Variants in MTUS2 observed in about 807,000 individuals in gnomAD.
MTUS2 encodes microtubule associated scaffold protein 2.
Under a neutral mutation model 114.1 loss-of-function variants are expected in MTUS2, and 40 were observed. The ratio of observed to expected loss-of-function variants is 0.35; its 90% CI spans 0.27 to 0.46. The LOEUF (loss-of-function observed/expected upper bound fraction) is 0.46, where lower values mean the gene tolerates loss of function less well. MTUS2 is among the 20% of genes least tolerant of loss of function. MTUS2 has a pLI of 1.00. For synonymous variants in MTUS2, 688 were observed against 672.0 expected (o/e 1.02, Z -0.37); for missense variants, 1,679 against 1,705.4 (o/e 0.98, Z 0.27).
At chr13:29,316,547 T>C (rs1041835214) in intron 6 of MTUS2, among the ~76,000 whole-genome samples, 2 of 152,180 alleles carry the variant, frequency 1.3e-5, no homozygotes, top group Admixed American at 1.3e-4. Flanking sequence ...CTTGCTTCTT[T>C]CCTTCAAATG....
At chr13:28,941,471 A>T (rs1284259881) in intron 2 of MTUS2, among the ~76,000 whole-genome samples, 1 of 152,126 alleles carries the variant, frequency 6.6e-6, no homozygotes, top group East Asian at 1.9e-4. Context: ...ACAAAAACTT[A>T]AAAATATCTT....
At chr13:29,240,222 G>C (rs983063128) in intron 5 of MTUS2, 18 of 152,090 alleles carry the variant, frequency 1.2e-4, no homozygotes, top group African/African-American at 4.3e-4. Context: ...GTCTCATCAG[G>C]ACATAATTTA....
Position 29,300,326 on chromosome 13 carries a change from AT to A in MTUS2, c.2806+18462del, listed in dbSNP as rs1245381240. On this transcript the variant is annotated intron_variant, in intron 6 of 15. Transcript: ENST00000612955. ...AAAACCCTAATTTTCATTTAAGAGCATATACACATATTGTATTTAAAATGTT... is the reference window on the plus strand; with the variant it reads ...AAAACCCTAATTTTCATTTAAGAGCAATACACATATTGTATTTAAAATGTT... Among the ~76,000 whole-genome samples the A allele has an allele frequency of 3.3e-5, 5 of 152,198 alleles. No individual in the cohort carries two copies. In the East Asian group the frequency reaches 9.6e-4, roughly 29 times the overall value.
intron 9 of MTUS2, among the ~76,000 whole-genome samples, chr13:29,464,187 C>T (rs1472600043): frequency 6.6e-6 from 1 of 152,110 alleles, no homozygotes; most frequent in African/African-American, 2.4e-5. Context: ...GTGGAGAGGA[C>T]GGCTGTGAGC....
At chr13:28,950,591 T>C (rs1882759751) in intron 2 of MTUS2, among the ~76,000 whole-genome samples, 1 of 152,208 alleles carries the variant, frequency 6.6e-6, no homozygotes, top group Non-Finnish European at 1.5e-5. Flanking sequence ...TCGATATTGT[T>C]ATGTCTCAGG....
chr13:29,187,323 A>G (rs184968922), intron 5 of MTUS2, among the ~76,000 whole-genome samples: 2 of 152,304 alleles, frequency 1.3e-5, no homozygotes, highest in Admixed American at 1.3e-4. Flanking sequence ...GTTCTTAGCA[A>G]AGATCAACAA....
At chr13:29,491,959 GTGTA>G (rs1268604742) in intron 11 of MTUS2, among the ~76,000 whole-genome samples, 1 of 145,824 alleles carries the variant, frequency 6.9e-6, no homozygotes, top group Admixed American at 6.8e-5. Flanking sequence ...TGTAGTGTGT[GTGTA>G]TGTGATGTGT....
chr13:29,021,760 T>G (rs1033585189), intron 2 of MTUS2, among the ~76,000 whole-genome samples: 3 of 152,230 alleles, frequency 2.0e-5, no homozygotes. Context: ...GTATTTGTGC[T>G]TAGAGAACAT....
chr13:28,979,088 T>G lies in MTUS2; in HGVS notation c.-242-45369T>G, dbSNP rs182413644. Among the ~76,000 whole-genome samples, 298 of 152,298 alleles carry G rather than the reference T, an allele frequency of 2.0e-3. 2 individuals are homozygous for G. The highest frequency in any genetic ancestry group is 2.6e-3 in the Non-Finnish European group (178 of 68,022). On this transcript the variant is annotated intron_variant, in intron 2 of 15. Transcript: ENST00000612955. ...ATTGCAAAGAGTTCCAGTGAACATT[T>G]TAGAATAACTACCAGATTCCAAGTG... is the stretch of plus-strand genomic sequence containing the variant.
chr13:29,479,062 T>C (rs1394795717), intron 9 of MTUS2, among the ~76,000 whole-genome samples: 1 of 152,236 alleles, frequency 6.6e-6, no homozygotes, highest in East Asian at 1.9e-4. Context: ...AAATGCTATC[T>C]AGCAACCTTG....
chr13:28,932,612 G>A (rs533255465), intron 2 of MTUS2, among the ~76,000 whole-genome samples: 6 of 152,274 alleles, frequency 3.9e-5, no homozygotes, highest in East Asian at 1.9e-4. Flanking sequence ...GGTGAGAAAC[G>A]GGACAGACCT....
intron 5 of MTUS2, among the ~76,000 whole-genome samples, chr13:29,123,491 C>T (rs781144452): frequency 6.6e-5 from 10 of 151,998 alleles, no homozygotes; most frequent in East Asian, 1.9e-4. Context: ...CCGAGAATAG[C>T]GGACCACTTG....
chr13:28,967,085 C>G (rs1415420179), intron 2 of MTUS2, among the ~76,000 whole-genome samples: 1 of 152,182 alleles, frequency 6.6e-6, no homozygotes, highest in Non-Finnish European at 1.5e-5. Context: ...ACAAGACTTA[C>G]CAGGCACTAT....
chr13:29,430,462 C>T (rs1025081728), intron 8 of MTUS2, among the ~76,000 whole-genome samples: 7 of 152,050 alleles, frequency 4.6e-5, no homozygotes, highest in African/African-American at 1.7e-4. Flanking sequence ...AGTAACTTTC[C>T]AGTGTTTTAG....
At chr13:29,214,486 G>A (rs563439700) in intron 5 of MTUS2, among the ~76,000 whole-genome samples, 150 of 152,156 alleles carry the variant, frequency 9.9e-4, no homozygotes, top group African/African-American at 3.5e-3. Context: ...TATTTTTGCA[G>A]TACCTGGTAC....
rs141373755 is a variant in MTUS2 at position 29,248,360 on chromosome 13, A to G, written c.2645-33344A>G. ...TCACCACTAAAGAACTTATCCATAT[A>G]ACCACCTGTTCCCCAAAAACTTATT... On this transcript the variant is annotated intron_variant, in intron 5 of 15. Transcript: ENST00000612955. Among the ~76,000 whole-genome samples the G allele has an allele frequency of 4.6e-3, 707 of 152,312 alleles. 8 individuals are homozygous for G. The highest frequency in any genetic ancestry group is 0.016 in the African/African-American group (660 of 41,566).
chr13:29,294,730 A>G (rs1387574987), intron 6 of MTUS2, among the ~76,000 whole-genome samples: 2 of 152,220 alleles, frequency 1.3e-5, no homozygotes, highest in Non-Finnish European at 2.9e-5. Flanking sequence ...ATGTGTGAAA[A>G]CATGAACAGA....
chr13:29,180,472 C>G (rs1449397357), intron 5 of MTUS2, among the ~76,000 whole-genome samples: 4 of 152,158 alleles, frequency 2.6e-5, no homozygotes, highest in African/African-American at 9.7e-5. Flanking sequence ...ATAGGCAAAT[C>G]TTAAGATGTT....
At chr13:29,139,034 CCTGT>C (rs937948309) in intron 5 of MTUS2, among the ~76,000 whole-genome samples, 16 of 151,566 alleles carry the variant, frequency 1.1e-4, no homozygotes, top group South Asian at 4.2e-4. Flanking sequence ...TCAGTTTCCT[CCTGT>C]CTTTTTTTTT....
Sources: allele counts gnomAD v4.1 joint callset (sites outside exome capture counted in the v4.1 genomes callset), GRCh38; gene constraint gnomAD v4.1.1; transcripts MANE v1.5; gene names NCBI Gene and HGNC (gene_info 2026-07-23, HGNC 2026-07-21).